Variants in SLC2A13 observed in about 807,000 individuals in gnomAD.
SLC2A13 encodes solute carrier family 2 member 13.
A neutral mutation model predicts 64.4 loss-of-function variants in SLC2A13; 32 were observed. That is an observed-to-expected ratio of 0.50 (90% CI 0.37 to 0.67). The LOEUF is 0.67. SLC2A13 is among the 30% of genes least tolerant of loss of function. SLC2A13 has a pLI of 0.00. For missense variants in SLC2A13, 743 were observed against 829.2 expected (o/e 0.90, Z 1.28); for synonymous variants, 338 against 327.1 (o/e 1.03, Z -0.36).
chr12:40,008,613 C>CAA lies in SLC2A13; in HGVS notation c.925+19686_925+19687dup, dbSNP rs764049845. ...GCGACAGAGCGAGACTGCGTCACTCCAAAAAAAAAAAAAAAGAATATGGAG... is the reference window on the plus strand; with the variant it reads ...GCGACAGAGCGAGACTGCGTCACTCCAAAAAAAAAAAAAAAAAGAATATGGAG... On this transcript the variant is annotated intron_variant, in intron 3 of 9. Coordinates refer to ENST00000280871, the MANE Select transcript of SLC2A13 (RefSeq NM_052885.4). Among the ~76,000 whole-genome samples, 743 of 109,712 alleles carry CAA rather than the reference C, an allele frequency of 6.8e-3. 5 individuals are homozygous for CAA. The highest frequency in any genetic ancestry group is 0.023 in the African/African-American group (685 of 29,508). The allele number at this position is 109,712 out of a possible 152,430, so 72.0% of individuals were successfully genotyped here. A position where few individuals can be genotyped will look rare whatever the true frequency, so the allele number is the denominator to read the frequency against.
At chr12:39,828,570 A>G in intron 7 of SLC2A13, among the ~76,000 whole-genome samples, 1 of 152,262 alleles carries the variant, frequency 6.6e-6, no homozygotes, top group East Asian at 1.9e-4. Context: ...TAAGAGAAAC[A>G]TCTAATTTTA....
chr12:39,898,394 G>C (rs1361976299), intron 4 of SLC2A13, among the ~76,000 whole-genome samples: 1 of 152,120 alleles, frequency 6.6e-6, no homozygotes, highest in Non-Finnish European at 1.5e-5. Flanking sequence ...TCTCATGCTA[G>C]AAAATCCTTG....
At chr12:39,960,344 C>T (rs1591951802) in intron 3 of SLC2A13, among the ~76,000 whole-genome samples, 2 of 152,202 alleles carry the variant, frequency 1.3e-5, no homozygotes, top group South Asian at 2.1e-4. Flanking sequence ...CATAGACTTC[C>T]GCAAACAATG....
intron 3 of SLC2A13, among the ~76,000 whole-genome samples, chr12:39,978,410 A>G (rs1856537111): frequency 6.6e-6 from 1 of 152,212 alleles, no homozygotes; most frequent in African/African-American, 2.4e-5. Context: ...CATCTGAGGT[A>G]CCGAGTTCAT....
intron 1 of SLC2A13, among the ~76,000 whole-genome samples, chr12:40,051,078 T>C (rs898901621): frequency 2.0e-5 from 3 of 152,042 alleles, no homozygotes; most frequent in Admixed American, 6.6e-5. Context: ...TACAAACAAA[T>C]AAAATAGGGT....
intron 3 of SLC2A13, among the ~76,000 whole-genome samples, chr12:40,002,118 A>T (rs751234445): frequency 4.1e-4 from 62 of 152,226 alleles, no homozygotes; most frequent in Non-Finnish European, 7.6e-4. Context: ...CAGGTTTAAG[A>T]AAAACATGCT....
At chr12:39,963,795 T>A (rs1946457558) in intron 3 of SLC2A13, among the ~76,000 whole-genome samples, 1 of 152,216 alleles carries the variant, frequency 6.6e-6, no homozygotes, top group Non-Finnish European at 1.5e-5. Flanking sequence ...TATTAGCACA[T>A]TCCCTTTTTA....
chr12:40,100,031 C>A (rs890405341), intron 1 of SLC2A13, among the ~76,000 whole-genome samples: 1 of 152,030 alleles, frequency 6.6e-6, no homozygotes, highest in African/African-American at 2.4e-5. Context: ...CTCAACATTG[C>A]ATTTTTTTGA....
At chr12:39,873,804 T>C (rs1944116191) in intron 4 of SLC2A13, among the ~76,000 whole-genome samples, 1 of 152,180 alleles carries the variant, frequency 6.6e-6, no homozygotes, top group Non-Finnish European at 1.5e-5. Context: ...CTATACAAAG[T>C]ATTTTAGGTA....
intron 4 of SLC2A13, among the ~76,000 whole-genome samples, chr12:39,938,000 G>A (rs919780109): frequency 6.6e-6 from 1 of 152,092 alleles, no homozygotes; most frequent in African/African-American, 2.4e-5. Context: ...ATAAAAGAAG[G>A]GTATTATAGC....
intron 3 of SLC2A13, among the ~76,000 whole-genome samples, chr12:40,020,728 C>G (rs552785046): frequency 6.6e-6 from 1 of 151,986 alleles, no homozygotes; most frequent in Admixed American, 6.6e-5. Context: ...TAACCTTCTA[C>G]AAAGATCAGG....
chr12:39,889,720 C>G (rs902000111), intron 4 of SLC2A13, among the ~76,000 whole-genome samples: 1 of 151,662 alleles, frequency 6.6e-6, no homozygotes, highest in African/African-American at 2.4e-5. Flanking sequence ...TTTAGAGAGA[C>G]GGGGTTTCAC....
intron 3 of SLC2A13, among the ~76,000 whole-genome samples, chr12:39,999,097 C>T (rs1456380946): frequency 1.3e-5 from 2 of 152,194 alleles, no homozygotes; most frequent in Non-Finnish European, 2.9e-5. Flanking sequence ...GCCTGTCTTA[C>T]TTTAATCTCT....
At chr12:40,013,987 AT>A (rs1947576143) in intron 3 of SLC2A13, among the ~76,000 whole-genome samples, 1 of 152,222 alleles carries the variant, frequency 6.6e-6, no homozygotes, top group Non-Finnish European at 1.5e-5. Context: ...TGTTATTTGT[AT>A]TTGGAACATA....
At chr12:39,805,171 C>T (rs1034630642) in intron 7 of SLC2A13, among the ~76,000 whole-genome samples, 4 of 149,792 alleles carry the variant, frequency 2.7e-5, no homozygotes, top group Admixed American at 6.7e-5. Context: ...GTGTGTTGGA[C>T]GTGGCCAGAA....
intron 4 of SLC2A13, 100 bp from the exon 5 acceptor site, chr12:39,872,061 G>C: frequency 1.0e-6 from 1 of 956,672 alleles, no homozygotes; most frequent in Non-Finnish European, 1.4e-6. Flanking sequence ...AAAATATAAG[G>C]AGAACTACAG....
intron 1 of SLC2A13, among the ~76,000 whole-genome samples, chr12:40,076,568 G>C (rs916849452): frequency 6.6e-6 from 1 of 152,124 alleles, no homozygotes; most frequent in Non-Finnish European, 1.5e-5. Flanking sequence ...TGAACATCTA[G>C]GTTGATTCCA....
At chr12:39,796,556 G>A in intron 7 of SLC2A13, among the ~76,000 whole-genome samples, 1 of 151,916 alleles carries the variant, frequency 6.6e-6, no homozygotes, top group Non-Finnish European at 1.5e-5. Context: ...CATGAGCTGG[G>A]AGCTGGCACA....
intron 7 of SLC2A13, among the ~76,000 whole-genome samples, chr12:39,813,220 C>T (rs1942243802): frequency 1.3e-5 from 2 of 151,736 alleles, no homozygotes; most frequent in South Asian, 4.2e-4. Context: ...TCCATTTTAT[C>T]TATTCTGTTT....
Sources: gnomAD v4.1 joint callset for allele counts (sites outside exome capture counted in the v4.1 genomes callset) on GRCh38, gnomAD v4.1.1 for gene constraint, MANE v1.5 for transcripts, NCBI Gene and HGNC (gene_info 2026-07-23, HGNC 2026-07-21) for gene names.